Variants in UNC13C observed in about 807,000 individuals in gnomAD.
The protein encoded by UNC13C is protein unc-13 homolog C.
Under a neutral mutation model 245.4 loss-of-function variants are expected in UNC13C, and 174 were observed. The observed-to-expected ratio is 0.71, with a 90% CI of 0.63 to 0.80. UNC13C has a LOEUF of 0.80. Among genes scored for constraint, UNC13C ranks in the 30% least tolerant of loss-of-function variants. UNC13C has a pLI of 0.00. For synonymous variants in UNC13C, 992 were observed against 895.1 expected, an observed-to-expected ratio of 1.11 and a Z score of -1.93; for missense variants, 2,829 against 2,602.9, an observed-to-expected ratio of 1.09 and a Z score of -1.89.
chr15:54,238,387 A>G (rs2035763809), intron 7 of UNC13C, among the ~76,000 whole-genome samples: 2 of 152,168 alleles, frequency 1.3e-5, no homozygotes, highest in Non-Finnish European at 2.9e-5. Flanking sequence ...TATAGCATTT[A>G]TTCATAACCT....
At chr15:54,367,213 A>G (rs1446091538) in intron 17 of UNC13C, among the ~76,000 whole-genome samples, 1 of 152,062 alleles carries the variant, frequency 6.6e-6, no homozygotes, top group African/African-American at 2.4e-5. Flanking sequence ...TTCCAAACCA[A>G]CCAAATAGTT....
chr15:54,196,344 G>T (rs1205976140), intron 4 of UNC13C, among the ~76,000 whole-genome samples: 1 of 136,030 alleles, frequency 7.4e-6, no homozygotes, highest in South Asian at 2.3e-4. Context: ...GGCTACTGGA[G>T]AAAAAAAAAA....
intron 19 of UNC13C, among the ~76,000 whole-genome samples, chr15:54,463,852 T>C (rs1328602990): frequency 6.6e-6 from 1 of 152,064 alleles, no homozygotes; most frequent in Non-Finnish European, 1.5e-5. Flanking sequence ...CCATTGTTGG[T>C]AATGACATGA....
At chr15:53,899,183 T>C in the UNC13C span, among the ~76,000 whole-genome samples, 5 of 152,186 alleles carry the variant, frequency 3.3e-5, no homozygotes, top group African/African-American at 1.2e-4. Flanking sequence ...TATTTATGTA[T>C]ATGTTTATTA....
intron 29 of UNC13C, among the ~76,000 whole-genome samples, chr15:54,563,834 G>T (rs542194987): frequency 6.6e-6 from 1 of 151,986 alleles, no homozygotes; most frequent in South Asian, 2.1e-4. Flanking sequence ...CTACTCTCCA[G>T]TTCCTTCAGA....
chr15:54,584,458 C>G (rs774140175), intron 30 of UNC13C, among the ~76,000 whole-genome samples: 1 of 152,178 alleles, frequency 6.6e-6, no homozygotes, highest in Non-Finnish European at 1.5e-5. Flanking sequence ...GTGACCATAA[C>G]CTCCAGTGCA....
the UNC13C span, among the ~76,000 whole-genome samples, chr15:53,893,778 G>A: frequency 6.6e-6 from 1 of 152,186 alleles, no homozygotes; most frequent in East Asian, 1.9e-4. Flanking sequence ...GTGGATCTTA[G>A]TTTGCTGGGC....
intron 18 of UNC13C, among the ~76,000 whole-genome samples, chr15:54,409,864 A>AC (rs2040381872): frequency 6.6e-6 from 1 of 152,146 alleles, no homozygotes; most frequent in Middle Eastern, 3.2e-3. Context: ...TCTTTTTGGT[A>AC]GAGAGATTTG....
chr15:54,344,186 TA>T (rs2038804642), intron 17 of UNC13C, among the ~76,000 whole-genome samples: 1 of 152,328 alleles, frequency 6.6e-6, no homozygotes, highest in African/African-American at 2.4e-5. Context: ...ATCTACTAAT[TA>T]ATACTCAGTG....
chr15:54,493,909 C>T (rs533887890), intron 19 of UNC13C, among the ~76,000 whole-genome samples: 1 of 152,088 alleles, frequency 6.6e-6, no homozygotes, highest in East Asian at 1.9e-4. Context: ...AAAAAAATGC[C>T]ACATATTAGG....
intron 19 of UNC13C, among the ~76,000 whole-genome samples, chr15:54,419,492 G>A (rs962285282): frequency 6.6e-5 from 10 of 152,078 alleles, no homozygotes; most frequent in Admixed American, 4.6e-4. Flanking sequence ...AGAATCTCAC[G>A]TAAATGGAAA....
intron 10 of UNC13C, among the ~76,000 whole-genome samples, chr15:54,276,627 A>G (rs1182337813): frequency 2.0e-5 from 3 of 152,084 alleles, no homozygotes; most frequent in East Asian, 3.8e-4. Flanking sequence ...CAGAACCCCA[A>G]GTTCCTTAAT....
At chr15:53,910,936 C>T in the UNC13C span, 1 of 114,516 alleles carries the variant, frequency 8.7e-6, no homozygotes, top group African/African-American at 2.7e-5. Context: ...GGTCTTTGGC[C>T]CCTGAGGGCT....
At chr15:54,434,396 C>A (rs1299465976) in intron 19 of UNC13C, among the ~76,000 whole-genome samples, 3 of 152,030 alleles carry the variant, frequency 2.0e-5, no homozygotes, top group African/African-American at 4.8e-5. Context: ...ATGTATAGAC[C>A]AATGGAACAG....
chr15:53,975,875 G>T (rs532689508), upstream of UNC13C, among the ~76,000 whole-genome samples: 55 of 152,128 alleles, frequency 3.6e-4, no homozygotes, highest in Non-Finnish European at 6.0e-4. Flanking sequence ...AAGTTTTGAG[G>T]CATGTACCTA....
intron 10 of UNC13C, among the ~76,000 whole-genome samples, chr15:54,268,154 A>AT (rs1219821948): frequency 1.4e-5 from 2 of 142,084 alleles, no homozygotes; most frequent in East Asian, 4.2e-4. Flanking sequence ...TTTTTTTCTT[A>AT]TTTTTTTCTT....
At chr15:54,498,628 A>C (rs1008712610) in intron 20 of UNC13C, among the ~76,000 whole-genome samples, 1 of 152,182 alleles carries the variant, frequency 6.6e-6, no homozygotes, top group Admixed American at 6.6e-5. Context: ...AGCCACAAAC[A>C]ATTAGAAAAT....
Position 54,250,216 on chromosome 15 carries a change from T to C in UNC13C, c.3229-9T>C. ...GGCGGTGCATTGGTAACTTCTCTCA[T>C]GTTCACAGAAAATGCACGTCTTCAA... is the stretch of plus-strand genomic sequence containing the variant. On this transcript the variant is annotated splice_polypyrimidine_tract_variant and intron_variant, in intron 7 of 32. Coordinates refer to ENST00000260323, the MANE Select transcript of UNC13C (RefSeq NM_001080534.3). 1.9e-6 allele frequency: 3 copies of C among 1,613,502 alleles called. No individual in the cohort carries two copies. Among genetic ancestry groups the C allele is most frequent in the Middle Eastern group, 1.6e-4 (1 of 6,062 alleles).
intron 2 of UNC13C, among the ~76,000 whole-genome samples, chr15:54,053,611 A>G (rs1162948063): frequency 1.3e-5 from 2 of 152,184 alleles, no homozygotes; most frequent in East Asian, 1.9e-4. Context: ...CATCACCTCA[A>G]TAATTTATCC....
Sources: allele counts gnomAD v4.1 joint callset (sites outside exome capture counted in the v4.1 genomes callset), GRCh38; gene constraint gnomAD v4.1.1; transcripts MANE v1.5; gene names NCBI Gene and HGNC (gene_info 2026-07-23, HGNC 2026-07-21).